Variants in CBX1 observed in about 807,000 individuals in gnomAD.
CBX1 encodes chromobox 1.
In CBX1, 10 loss-of-function variants were observed where a neutral mutation model predicts 25.1. The ratio of observed to expected loss-of-function variants is 0.40; its 90% CI spans 0.25 to 0.68. CBX1 has a LOEUF of 0.68. CBX1 is among the 30% of genes least tolerant of loss of function. The probability of loss-of-function intolerance (pLI) is 0.40; values close to 1 mark genes in which losing one functional copy is unlikely to be tolerated. For missense variants in CBX1, 106 were observed against 218.5 expected (o/e 0.49, Z 3.25); for synonymous variants, 63 against 79.4 (o/e 0.79, Z 1.10).
intron 1 of CBX1, among the ~76,000 whole-genome samples, chr17:48,092,394 T>G (rs1455224259): frequency 6.6e-6 from 1 of 150,648 alleles, no homozygotes; most frequent in Non-Finnish European, 1.5e-5. Context: ...AAGGCAAGGG[T>G]TGTGGAGTGG....
rs572109778 is a variant in CBX1 at position 48,087,602 on chromosome 17, A to C, written c.-37-10561T>G. The stretch of plus-strand genomic sequence containing the variant: ...AAAAATTTAAAAAAAGGCTGGGCGC[A>C]GTGGCTCATGCCTGTAACCCCAACA... On this transcript the variant is annotated intron_variant, in intron 1 of 4. Coordinates refer to ENST00000225603, the MANE Select transcript of CBX1 (RefSeq NM_001127228.2). Among the ~76,000 whole-genome samples, 130 of 152,074 alleles carry C rather than the reference A, an allele frequency of 8.5e-4. No individual in the cohort carries two copies. The South Asian group carries it at 0.01, about 12-fold the overall frequency.
intron 1 of CBX1, among the ~76,000 whole-genome samples, chr17:48,098,632 G>A (rs898055130): frequency 6.6e-6 from 1 of 152,086 alleles, no homozygotes; most frequent in Admixed American, 6.6e-5. Context: ...CAAGTAGCTG[G>A]GATTACAGGT....
chr17:48,080,575 A>G (rs1019774143), intron 1 of CBX1, among the ~76,000 whole-genome samples: 3 of 151,918 alleles, frequency 2.0e-5, no homozygotes, highest in African/African-American at 7.3e-5. Flanking sequence ...TAGTGTAATC[A>G]TTAAGTTTTC....
intron 1 of CBX1, among the ~76,000 whole-genome samples, chr17:48,083,783 C>T (rs2037760024): frequency 6.7e-6 from 1 of 150,050 alleles, no homozygotes; most frequent in African/African-American, 2.5e-5. Flanking sequence ...GAGATTGCGC[C>T]ATTGCACTCC....
chr17:48,094,793 A>G (rs1240368543), intron 1 of CBX1, among the ~76,000 whole-genome samples: 1 of 151,544 alleles, frequency 6.6e-6, no homozygotes, highest in East Asian at 1.9e-4. Flanking sequence ...CACACCTATA[A>G]ATCAGTACTT....
At chr17:48,084,202 C>CTTTTTTTTTT (rs869263376) in intron 1 of CBX1, among the ~76,000 whole-genome samples, 2 of 61,318 alleles carry the variant, frequency 3.3e-5, no homozygotes, top group African/African-American at 1.6e-4. Flanking sequence ...TCTTTCTTTC[C>CTTTTTTTTTT]TTTTTTTTTT....
intron 1 of CBX1, among the ~76,000 whole-genome samples, chr17:48,092,191 T>C (rs2063348026): frequency 6.6e-6 from 1 of 151,454 alleles, no homozygotes; most frequent in South Asian, 2.1e-4. Context: ...GGTTTCTCCA[T>C]GTTGGTCAGG....
chr17:48,091,283 T>C (rs550538965), intron 1 of CBX1, among the ~76,000 whole-genome samples: 2 of 152,332 alleles, frequency 1.3e-5, no homozygotes, highest in Non-Finnish European at 2.9e-5. Flanking sequence ...TAGTTCTTTT[T>C]ACCATTCCAT....
chr17:48,085,065 G>A (rs2063304462), intron 1 of CBX1, among the ~76,000 whole-genome samples: 1 of 152,098 alleles, frequency 6.6e-6, no homozygotes, highest in Non-Finnish European at 1.5e-5. Context: ...CAACTCGTAT[G>A]GTTTATATCA....
chr17:48,087,872 CAAA>C (rs531431865), intron 1 of CBX1, among the ~76,000 whole-genome samples: 1 of 89,494 alleles, frequency 1.1e-5, no homozygotes, highest in African/African-American at 4.3e-5. Flanking sequence ...GACTCAGTCT[CAAA>C]AAAAAAAAAA....
intron 3 of CBX1, among the ~76,000 whole-genome samples, chr17:48,075,305 CT>C (rs1234743389): frequency 1.3e-5 from 2 of 151,950 alleles, no homozygotes; most frequent in African/African-American, 4.8e-5. Flanking sequence ...AGTGATTCTC[CT>C]GCCTCAGCCT....
At chr17:48,082,110 C>T (rs1396500774) in intron 1 of CBX1, among the ~76,000 whole-genome samples, 2 of 151,882 alleles carry the variant, frequency 1.3e-5, no homozygotes, top group Non-Finnish European at 2.9e-5. Context: ...GCTGGGTGTG[C>T]TGGGAGGATC....
intron 1 of CBX1, 150 bp downstream of exon 1, chr17:48,101,118 C>T: frequency 2.0e-6 from 2 of 986,546 alleles, no homozygotes; most frequent in South Asian, 4.5e-5. Context: ...AAGAGCTCAG[C>T]GCGGGAAGCG....
chr17:48,073,824 C>CAAAAAGAAAAAAAAAAA (rs2037649156), intron 4 of CBX1, among the ~76,000 whole-genome samples: 1 of 82,484 alleles, frequency 1.2e-5, no homozygotes, highest in South Asian at 4.0e-4. Flanking sequence ...GAGACTGTCT[C>CAAAAAGAAAAAAAAAAA]AAAAAAAAAA....
intron 1 of CBX1, among the ~76,000 whole-genome samples, chr17:48,086,027 C>A (rs937585120): frequency 6.6e-6 from 1 of 152,140 alleles, no homozygotes; most frequent in South Asian, 2.1e-4. Flanking sequence ...GCCAAAATCA[C>A]GCCACTGCAC....
intron 1 of CBX1, among the ~76,000 whole-genome samples, chr17:48,094,586 ATT>A (rs1363146315): frequency 1.3e-5 from 2 of 151,558 alleles, no homozygotes; most frequent in Non-Finnish European, 2.9e-5. Flanking sequence ...CAAAAAAAAA[ATT>A]AGCCAGCATG....
intron 1 of CBX1, among the ~76,000 whole-genome samples, chr17:48,087,113 T>C (rs1370451019): frequency 6.8e-6 from 1 of 146,204 alleles, no homozygotes; most frequent in African/African-American, 2.5e-5. Flanking sequence ...CAGTTGAACC[T>C]GGGAAGCAGA....
chr17:48,082,034 T>C (rs1187592228), intron 1 of CBX1, among the ~76,000 whole-genome samples: 1 of 152,064 alleles, frequency 6.6e-6, no homozygotes, highest in Non-Finnish European at 1.5e-5. Flanking sequence ...AAGGACTGCT[T>C]GAGCCCAGGA....
At chr17:48,080,759 A>G (rs1277972460) in intron 1 of CBX1, among the ~76,000 whole-genome samples, 1 of 150,168 alleles carries the variant, frequency 6.7e-6, no homozygotes, top group Admixed American at 6.7e-5. Context: ...CATCTCTACT[A>G]AAAGTATAAA....
Sources: allele counts gnomAD v4.1 joint callset (sites outside exome capture counted in the v4.1 genomes callset), GRCh38; gene constraint gnomAD v4.1.1; transcripts MANE v1.5; gene names NCBI Gene and HGNC (gene_info 2026-07-23, HGNC 2026-07-21).